TANGO6: variants seen among roughly 807,000 people sequenced by gnomAD.
TANGO6 encodes transport and golgi organization 6 homolog, also known as transport and Golgi organization protein 6 homolog.
In TANGO6, 90 loss-of-function variants were observed where a neutral mutation model predicts 114.2. The ratio of observed to expected loss-of-function variants is 0.79; its 90% confidence interval spans 0.66 to 0.94. The LOEUF (loss-of-function observed/expected upper bound fraction) is 0.94. TANGO6 is among the 40% of genes least tolerant of loss of function. TANGO6 has a pLI of 0.00. For missense variants in TANGO6, 1,274 were observed against 1,315.3 expected (o/e 0.97, Z 0.49); for synonymous variants, 477 against 509.8 (o/e 0.94, Z 0.87).
At chr16:68,979,431 T>C (rs142854347) in intron 15 of TANGO6, among the ~76,000 whole-genome samples, 5 of 152,070 alleles carry the variant, frequency 3.3e-5, no homozygotes, top group East Asian at 1.9e-4. Context: ...GGTTTCATCA[T>C]GTTGGCCAGG....
rs552902804 is a variant in TANGO6, at chr16:69,061,744, G to C, written c.3108+21323G>C. ...CTACAGAATGCATTTCCGGCCGGGC[G>C]CGCGGTGGCTCACGCCTGTAATCCC... On this transcript the variant is annotated intron_variant, in intron 17 of 17. Transcript: ENST00000261778. 2.6e-5 allele frequency among the ~76,000 whole-genome samples: 4 copies of C among 151,210 alleles called. No individual in the cohort carries two copies. The South Asian group carries it at 6.3e-4, about 24-fold the overall frequency.
intron 14 of TANGO6, among the ~76,000 whole-genome samples, chr16:68,938,643 G>A (rs1028596694): frequency 2.0e-5 from 3 of 151,718 alleles, no homozygotes; most frequent in Non-Finnish European, 4.4e-5. Flanking sequence ...CTACTTATAA[G>A]TTAGCTTAAT....
intron 9 of TANGO6, among the ~76,000 whole-genome samples, chr16:68,903,167 A>G (rs530061945): frequency 4.6e-5 from 7 of 152,180 alleles, no homozygotes; most frequent in African/African-American, 7.2e-5. Context: ...TGTTTGTTGA[A>G]GTGTTGAAAT....
intron 3 of TANGO6, among the ~76,000 whole-genome samples, chr16:68,866,468 A>G (rs1323709688): frequency 6.6e-6 from 1 of 151,084 alleles, no homozygotes; most frequent in East Asian, 1.9e-4. Context: ...CTAAAAATAC[A>G]AAAAATTAGC....
intron 4 of TANGO6, among the ~76,000 whole-genome samples, chr16:68,869,958 A>G (rs778983430): frequency 7.9e-5 from 12 of 152,210 alleles, no homozygotes; most frequent in Non-Finnish European, 1.8e-4. Context: ...GGGCCACCTC[A>G]GGGAGGCCTG....
intron 17 of TANGO6, among the ~76,000 whole-genome samples, chr16:69,063,222 GAAA>G (rs35318231): frequency 7.4e-6 from 1 of 134,812 alleles, no homozygotes; most frequent in Non-Finnish European, 1.6e-5. Flanking sequence ...GACTTCGTCT[GAAA>G]AAAAAAAAAA....
At chr16:68,913,781 A>C (rs1420403880) in intron 11 of TANGO6, among the ~76,000 whole-genome samples, 1 of 152,076 alleles carries the variant, frequency 6.6e-6, no homozygotes, top group Non-Finnish European at 1.5e-5. Flanking sequence ...CCCTGGATGG[A>C]CAGGAAGCAC....
At chr16:68,908,039 T>C (rs1422876083) in intron 10 of TANGO6, among the ~76,000 whole-genome samples, 1 of 152,188 alleles carries the variant, frequency 6.6e-6, no homozygotes, top group African/African-American at 2.4e-5. Context: ...GTTTGTTTCT[T>C]AGTGCCAGTG....
chr16:68,965,572 C>T (rs1465587996), intron 14 of TANGO6, among the ~76,000 whole-genome samples: 1 of 151,770 alleles, frequency 6.6e-6, no homozygotes, highest in African/African-American at 2.4e-5. Context: ...GATGCCAAGG[C>T]AGGCAGGTAA....
chr16:68,843,728 C>T lies in TANGO6; in HGVS notation c.94+17C>T, dbSNP rs1273422411. On this transcript the variant is annotated intron_variant, in intron 1 of 17. Transcript: ENST00000261778. ...GCCCGGGAGGTGAGAGGACGCATCT[C>T]CGCGCCGGGCTGGACCCGGGACTCT... 6.2e-6 allele frequency: 10 copies of T among 1,612,628 alleles called. No individual in the cohort carries two copies. The highest frequency in any genetic ancestry group is 1.7e-4 in the Middle Eastern group (1 of 6,058).
At chr16:69,000,001 A>T (rs970982542) in intron 15 of TANGO6, among the ~76,000 whole-genome samples, 3 of 152,236 alleles carry the variant, frequency 2.0e-5, no homozygotes, top group Non-Finnish European at 2.9e-5. Context: ...AAAACAAGAC[A>T]ATTGTCTGTG....
At chr16:68,953,008 G>A (rs1428442046) in intron 14 of TANGO6, among the ~76,000 whole-genome samples, 1 of 150,914 alleles carries the variant, frequency 6.6e-6, no homozygotes, top group Non-Finnish European at 1.5e-5. Flanking sequence ...TTTTGTTGTT[G>A]TTGTTAATGG....
intron 17 of TANGO6, among the ~76,000 whole-genome samples, chr16:69,072,143 G>C (rs1960307155): frequency 6.6e-6 from 1 of 151,378 alleles, no homozygotes; most frequent in Non-Finnish European, 1.5e-5. Flanking sequence ...GTGTGTGTGT[G>C]TGTGTGTGTG....
At position 68,860,163 on chromosome 16, in the gene TANGO6, C is replaced by G; in HGVS notation, c.374C>G (p.Thr125Ser). Residue 125 changes from threonine (T) to serine (S), a missense_variant, in exon 2 of 18, where the codon ACT becomes AGT. Thr to Ser is a moderately conservative substitution (Grantham distance 58, BLOSUM62 1). Transcript: ENST00000261778. The part of the protein sequence containing the change: ...NFNPGKPNPR[T>S]PEVAPALSPD... ...AATCCAGGTAAACCCAACCCTAGGA[C>G]TCCGGAAGTTGCTCCTGCCCTGAGC... is the stretch of plus-strand genomic sequence containing the variant. The G allele has an allele frequency of 6.2e-7, 1 of 1,614,014 alleles. No homozygotes were observed. Among genetic ancestry groups the G allele is most frequent in the Non-Finnish European group, 8.5e-7 (1 of 1,179,896 alleles).
At chr16:69,017,095 T>C (rs1959313492) in intron 15 of TANGO6, among the ~76,000 whole-genome samples, 1 of 151,864 alleles carries the variant, frequency 6.6e-6, no homozygotes, top group South Asian at 2.1e-4. Flanking sequence ...GAAAAAAAAA[T>C]GAACACACTT....
At chr16:69,017,278 G>A (rs1461222112) in intron 15 of TANGO6, among the ~76,000 whole-genome samples, 1 of 152,154 alleles carries the variant, frequency 6.6e-6, no homozygotes, top group Admixed American at 6.6e-5. Context: ...TGAGGGTAAG[G>A]ACTGTATCTT....
At chr16:69,018,673 C>T (rs1438764435) in intron 15 of TANGO6, among the ~76,000 whole-genome samples, 3 of 151,632 alleles carry the variant, frequency 2.0e-5, no homozygotes, top group Non-Finnish European at 2.9e-5. Flanking sequence ...CCTGTAATCC[C>T]AGCACTTTGG....
chr16:68,911,992 A>G (rs963816828), intron 11 of TANGO6, among the ~76,000 whole-genome samples: 1 of 152,212 alleles, frequency 6.6e-6, no homozygotes, highest in African/African-American at 2.4e-5. Context: ...AGATATAAAA[A>G]TCTGAGTCAA....
chr16:68,995,163 C>T (rs1963980593), intron 15 of TANGO6, among the ~76,000 whole-genome samples: 1 of 152,092 alleles, frequency 6.6e-6, no homozygotes, highest in East Asian at 1.9e-4. Flanking sequence ...CTAAATCATT[C>T]CTACTTGTGT....
Sources: gnomAD v4.1 joint callset for allele counts (sites outside exome capture counted in the v4.1 genomes callset) on GRCh38, gnomAD v4.1.1 for gene constraint, MANE v1.5 for transcripts, NCBI Gene and HGNC (gene_info 2026-07-23, HGNC 2026-07-21) for gene names.